The following PAK5 variants were observed in gnomAD, a reference collection of about 807,000 sequenced individuals.
PAK5 encodes p21 (RAC1) activated kinase 5.
A neutral mutation model predicts 65.9 loss-of-function variants in PAK5; 16 were observed. The observed-to-expected ratio is 0.24, with a 90% CI of 0.16 to 0.37. The LOEUF is 0.37. PAK5 is among the 10% of genes least tolerant of loss of function. The probability of loss-of-function intolerance (pLI) is 1.00; values close to 1 mark genes in which losing one functional copy is unlikely to be tolerated. For missense variants in PAK5, 785 were observed against 903.9 expected (o/e 0.87, Z 1.69); for synonymous variants, 371 against 354.9 (o/e 1.05, Z -0.51).
chr20:9,788,693 T>C (rs1199326553), intron 1 of PAK5, among the ~76,000 whole-genome samples: 1 of 152,168 alleles, frequency 6.6e-6, no homozygotes, highest in African/African-American at 2.4e-5. Context: ...ACTGGATATG[T>C]GGACACAATT....
chr20:9,795,170 T>C (rs1343708384), intron 1 of PAK5, among the ~76,000 whole-genome samples: 1 of 152,072 alleles, frequency 6.6e-6, no homozygotes, highest in Non-Finnish European at 1.5e-5. Context: ...AATCAGTCTA[T>C]AGGCAAAGAA....
intron 1 of PAK5, among the ~76,000 whole-genome samples, chr20:9,735,785 G>A (rs1367626948): frequency 6.6e-6 from 1 of 151,956 alleles, no homozygotes; most frequent in Non-Finnish European, 1.5e-5. Context: ...CACTTTGGGA[G>A]GCTGAGGTAG....
intron 1 of PAK5, among the ~76,000 whole-genome samples, chr20:9,733,528 T>A (rs560889137): frequency 1.3e-5 from 2 of 152,062 alleles, no homozygotes; most frequent in Non-Finnish European, 2.9e-5. Context: ...CACTGCAACC[T>A]CTGCCTCCCA....
At chr20:9,587,145 G>A (rs148319665) in intron 3 of PAK5, among the ~76,000 whole-genome samples, 76 of 152,122 alleles carry the variant, frequency 5.0e-4, no homozygotes, top group African/African-American at 1.7e-3. Context: ...CGGGGTGGCG[G>A]GCTGCAGTGG....
chr20:9,749,238 C>T (rs2048546163), intron 1 of PAK5, among the ~76,000 whole-genome samples: 1 of 151,984 alleles, frequency 6.6e-6, no homozygotes, highest in African/African-American at 2.4e-5. Context: ...TTGAAATATC[C>T]ATTGAGAGCT....
At chr20:9,634,347 A>G (rs779027193) in intron 3 of PAK5, among the ~76,000 whole-genome samples, 3 of 152,202 alleles carry the variant, frequency 2.0e-5, no homozygotes, top group Non-Finnish European at 4.4e-5. Flanking sequence ...GTGGGTACCC[A>G]CAGGGATAAA....
chr20:9,823,538 TG>T (rs2049448089), intron 1 of PAK5, among the ~76,000 whole-genome samples: 1 of 152,228 alleles, frequency 6.6e-6, no homozygotes, highest in Non-Finnish European at 1.5e-5. Context: ...TGAGCTCCCC[TG>T]CACAATTAAT....
chr20:9,765,559 G>A (rs930317242), intron 1 of PAK5, among the ~76,000 whole-genome samples: 1 of 151,970 alleles, frequency 6.6e-6, no homozygotes, highest in South Asian at 2.1e-4. Flanking sequence ...TTTGCAAGGT[G>A]GTTGATATAA....
At chr20:9,795,694 G>A (rs888243228) in intron 1 of PAK5, among the ~76,000 whole-genome samples, 3 of 151,932 alleles carry the variant, frequency 2.0e-5, no homozygotes, top group Non-Finnish European at 4.4e-5. Flanking sequence ...GGAATACATG[G>A]AACTTATAAA....
intron 3 of PAK5, among the ~76,000 whole-genome samples, chr20:9,600,690 T>C (rs941192194): frequency 1.3e-5 from 2 of 152,184 alleles, no homozygotes; most frequent in Non-Finnish European, 2.9e-5. Context: ...GATTAACCTT[T>C]CTTATCTGCA....
chr20:9,751,919 A>G (rs977322420), intron 1 of PAK5, among the ~76,000 whole-genome samples: 1 of 152,214 alleles, frequency 6.6e-6, no homozygotes. Context: ...TTAGCAACTA[A>G]TATGTGCAAT....
intron 3 of PAK5, among the ~76,000 whole-genome samples, chr20:9,596,523 C>A (rs1341403021): frequency 1.3e-5 from 2 of 150,902 alleles, no homozygotes; most frequent in Non-Finnish European, 2.9e-5. Flanking sequence ...ATAGTCCCAG[C>A]TACTCGGGAG....
chr20:9,697,273 G>T (rs2047881982), intron 2 of PAK5, among the ~76,000 whole-genome samples: 1 of 152,040 alleles, frequency 6.6e-6, no homozygotes, highest in Admixed American at 6.6e-5. Flanking sequence ...AACAGATGCT[G>T]AATAACTATT....
intron 1 of PAK5, among the ~76,000 whole-genome samples, chr20:9,712,697 G>T (rs1357951477): frequency 1.3e-5 from 2 of 152,026 alleles, no homozygotes; most frequent in African/African-American, 2.4e-5. Context: ...CAGAATAAAG[G>T]TCACTGAAAT....
chr20:9,745,117 C>G lies in PAK5; in HGVS notation c.-161-33682G>C, dbSNP rs187506358. 1.0e-3 allele frequency among the ~76,000 whole-genome samples: 155 copies of G among 152,178 alleles called. 1 individual carries two copies. The highest frequency in any genetic ancestry group is 3.4e-3 in the Middle Eastern group (1 of 294). The stretch of plus-strand genomic sequence containing the variant: ...AGTAAACAGAACATATATTACAAAG[C>G]TAACTATAAGTAATATTAATTACCT... On this transcript the variant is annotated intron_variant, in intron 1 of 9. Transcript: ENST00000353224.
At chr20:9,640,413 A>T (rs909274618) in intron 3 of PAK5, among the ~76,000 whole-genome samples, 13 of 152,052 alleles carry the variant, frequency 8.5e-5, no homozygotes, top group South Asian at 2.1e-4. Context: ...ATGGCTGCAT[A>T]GTATTCCATG....
At chr20:9,664,495 T>C (rs780855321) in intron 2 of PAK5, among the ~76,000 whole-genome samples, 11 of 152,178 alleles carry the variant, frequency 7.2e-5, no homozygotes, top group Non-Finnish European at 1.5e-4. Flanking sequence ...CAAACTGCAA[T>C]ATTACAGCAT....
In PAK5 at chr20:9,724,224, T is replaced by C. The variant is rs114173802; in HGVS notation, c.-161-12789A>G. Reference sequence around the variant, plus strand: ...TTTGTAGTTTACGGAGATTTATTTATGTTTTTAGTACCAAAGTATGATATT... The same window carrying C: ...TTTGTAGTTTACGGAGATTTATTTACGTTTTTAGTACCAAAGTATGATATT... On this transcript the variant is annotated intron_variant, in intron 1 of 9. Coordinates refer to ENST00000353224, the MANE Select transcript of PAK5 (RefSeq NM_177990.4). 4.9e-3 allele frequency among the ~76,000 whole-genome samples: 749 copies of C among 152,322 alleles called. 9 individuals are homozygous for C. Among genetic ancestry groups the C allele is most frequent in the African/African-American group, 0.015 (617 of 41,556 alleles).
At chr20:9,598,251 C>T (rs928552906) in intron 3 of PAK5, among the ~76,000 whole-genome samples, 2 of 152,188 alleles carry the variant, frequency 1.3e-5, no homozygotes, top group Non-Finnish European at 2.9e-5. Context: ...AGGATGATGG[C>T]TTCCAGCTTC....
Sources: allele counts gnomAD v4.1 joint callset (sites outside exome capture counted in the v4.1 genomes callset), GRCh38; gene constraint gnomAD v4.1.1; transcripts MANE v1.5; gene names NCBI Gene and HGNC (gene_info 2026-07-23, HGNC 2026-07-21).